Variants in NOXA1 observed in about 807,000 individuals in gnomAD.
NOXA1 encodes NCF2-like protein.
In NOXA1, 56 loss-of-function variants were observed where a neutral mutation model predicts 64.8. The observed-to-expected ratio is 0.86, with a 90% CI of 0.70 to 1.08. The LOEUF (loss-of-function observed/expected upper bound fraction) is 1.08, where lower values mean the gene tolerates loss of function less well. Among genes scored for constraint, NOXA1 ranks in the 50% least tolerant of loss-of-function variants. NOXA1 has a pLI of 0.00. For missense variants in NOXA1, 668 were observed against 658.5 expected, an observed-to-expected ratio of 1.01 and a Z score of -0.16; for synonymous variants, 295 against 294.8, an observed-to-expected ratio of 1.00 and a Z score of -0.01.
rs927550760 is a variant in NOXA1 at position 137,434,042 on chromosome 9, C to T, written c.1257C>T (p.Gly419=). The T allele has an allele frequency of 3.2e-6, 5 of 1,576,740 alleles. No homozygotes were observed. The highest frequency in any genetic ancestry group is 1.3e-5 in the African/African-American group (1 of 74,388). ...CCGCCCAGGGGCCAGAGGACCTGGG[C>T]TTCCGACAGGGGGACACGGTGGACG... The part of the protein sequence containing the change: ...SYSAQGPEDL[G]FRQGDTVDVL... The change falls in exon 13 of 14, where the codon GGC becomes GGT. Residue 419 remains glycine (G), a synonymous_variant. Transcript: ENST00000683555.
intron 3 of NOXA1, 57 bp downstream of exon 3, chr9:137,428,198 C>T: frequency 7.9e-7 from 1 of 1,267,494 alleles, no homozygotes. Context: ...CGGGCGGTGG[C>T]ACTGTCACAG....
intron 1 of NOXA1, among the ~76,000 whole-genome samples, chr9:137,424,742 A>G (rs1009979754): frequency 4.6e-5 from 7 of 152,206 alleles, no homozygotes. Flanking sequence ...CCGGCCCACA[A>G]TGATTTCATT....
chr9:137,428,963 A>C lies in NOXA1; in HGVS notation c.451A>C (p.Lys151Gln), dbSNP rs1243736297. 1 of 1,600,340 alleles carries C rather than the reference A, an allele frequency of 6.2e-7. No homozygotes were observed. The highest frequency in any genetic ancestry group is 1.1e-5 in the South Asian group (1 of 88,676). Residue 151 changes from lysine (K) to glutamine (Q), a missense_variant, in exon 4 of 14, where the codon AAG becomes CAG. By Grantham distance (53) the Lys-to-Gln change is moderately conservative. Transcript: ENST00000683555. ...CAGCAGCCTAAGGGAGGCCATGTCC[A>C]AGTGGCCGGAGGGGTCCCTGAATGG... ...AASSLREAMS[K>Q]WPEGSLNGLD... is the part of the protein sequence containing the mutation.
chr9:137,433,793 G>A lies in NOXA1; in HGVS notation c.1108G>A (p.Glu370Lys), dbSNP rs762082525. 46 of 1,454,260 alleles carry A rather than the reference G, an allele frequency of 3.2e-5. No individual in the cohort carries two copies. Among genetic ancestry groups the A allele is most frequent in the Admixed American group, 2.0e-4 (7 of 35,816 alleles). The allele number at this position is 1,454,260 out of a possible 1,614,324, so 90.1% of individuals were successfully genotyped here. A position where few individuals can be genotyped will look rare whatever the true frequency, so the allele number is the denominator to read the frequency against. ...GGACGGGCACTGGGTCCCCATCCCC[G>A]AGGAGGAGTCGCTGCAGAGGGCCTG... ...GEDGHWVPIP[E>K]EESLQRAWQD... The change falls in exon 12 of 14, where the codon GAG (glutamate) becomes AAG (lysine). Residue 370 changes from glutamate (E) to lysine (K), a missense_variant. Glu to Lys is a moderately conservative substitution (Grantham distance 56). Transcript: ENST00000683555.
In NOXA1 at chr9:137,433,049, T is replaced by C; in HGVS notation, c.825T>C (p.Val275=). ...TGCAGAGGCCCCAGGTGGAGCAAGT[T>C]GGCAAACAGGCTCCTCTCTCCCCAG... The part of the protein sequence containing the change: ...YQEQRPQVEQ[V]GKQAPLSPGL... The change falls in exon 9 of 14, where the codon GTT becomes GTC. Residue 275 remains valine (V), a synonymous_variant. Coordinates refer to ENST00000683555, the MANE Select transcript of NOXA1 (RefSeq NM_001256067.2). The C allele has an allele frequency of 6.2e-7, 1 of 1,612,746 alleles. No homozygotes were observed. Among genetic ancestry groups the C allele is most frequent in the East Asian group, 2.2e-5 (1 of 44,854 alleles).
At chr9:137,425,984 C>T (rs1437603141) in intron 1 of NOXA1, among the ~76,000 whole-genome samples, 2 of 152,144 alleles carry the variant, frequency 1.3e-5, no homozygotes, top group African/African-American at 2.4e-5. Flanking sequence ...TCCTTGTGCT[C>T]ATGGTAAACA....
chr9:137,427,758 G>A (rs1838900271), intron 2 of NOXA1, among the ~76,000 whole-genome samples: 1 of 152,262 alleles, frequency 6.6e-6, no homozygotes, highest in Non-Finnish European at 1.5e-5. Context: ...TCAGAAGAGA[G>A]GCTTGGGGGC....
intron 1 of NOXA1, 26 bp from the exon 2 acceptor site, chr9:137,426,222 C>T: frequency 6.2e-7 from 1 of 1,603,982 alleles, no homozygotes; most frequent in Non-Finnish European, 8.5e-7. Flanking sequence ...CAGACCTTGG[C>T]ATCCCGTGGG....
At chr9:137,425,530 C>T (rs1045357423) in intron 1 of NOXA1, among the ~76,000 whole-genome samples, 8 of 152,128 alleles carry the variant, frequency 5.3e-5, no homozygotes, top group Non-Finnish European at 8.8e-5. Context: ...GGACTACAGG[C>T]GCGTGCCGCC....
chr9:137,433,028 G>A lies in NOXA1; in HGVS notation c.805-1G>A. 6.2e-7 allele frequency: 1 copy of A among 1,612,638 alleles called. No homozygotes were observed. The highest frequency in any genetic ancestry group is 8.5e-7 in the Non-Finnish European group (1 of 1,179,862). Reference sequence around the variant, plus strand: ...CCACCCAGCCTGTGCTTCTCTTGCAGAGGCCCCAGGTGGAGCAAGTTGGCA... The same window carrying A: ...CCACCCAGCCTGTGCTTCTCTTGCAAAGGCCCCAGGTGGAGCAAGTTGGCA... On this transcript the variant is annotated splice_acceptor_variant, in intron 8 of 13. Coordinates refer to ENST00000683555, the MANE Select transcript of NOXA1 (RefSeq NM_001256067.2). LOFTEE classifies it high-confidence loss of function.
chr9:137,430,675 AC>A, intron 5 of NOXA1, 108 bp from the exon 6 acceptor site: 1 of 909,694 alleles, frequency 1.1e-6, no homozygotes, highest in Non-Finnish European at 1.6e-6. Flanking sequence ...GGCAGCTGTC[AC>A]CCAGCCCCCG....
At chr9:137,430,564 G>A (rs1456089957) in intron 5 of NOXA1, among the ~76,000 whole-genome samples, 1 of 152,236 alleles carries the variant, frequency 6.6e-6, no homozygotes. Context: ...AAACCAAAAT[G>A]TTTTTAAAGT....
rs755567577 is a variant in NOXA1, at chr9:137,431,058, T to G, written c.673-17T>G. 6.2e-7 allele frequency: 1 copy of G among 1,613,294 alleles called. No individual in the cohort carries two copies. The highest frequency in any genetic ancestry group is 1.3e-5 in the African/African-American group (1 of 75,056). ...CCGACCCTTAACCAGAGCGAGGTTG[T>G]TGCTTTGTGTCCACAGGGACCAGGA... On this transcript the variant is annotated splice_polypyrimidine_tract_variant and intron_variant, in intron 6 of 13. Transcript: ENST00000683555. The surrounding 1 kb of genome is among the most constrained non-coding windows in gnomAD (Gnocchi z 5.6).
chr9:137,432,278 TCAAA>T (rs1377703115), intron 8 of NOXA1, among the ~76,000 whole-genome samples: 1 of 110,302 alleles, frequency 9.1e-6, no homozygotes, highest in Non-Finnish European at 1.8e-5. Context: ...AGACCCTGTC[TCAAA>T]AAAAAAAAAA....
rs192319006 is a variant in NOXA1, at chr9:137,425,499, C to T, written c.178-749C>T. 3.9e-3 allele frequency among the ~76,000 whole-genome samples: 598 copies of T among 152,248 alleles called. 1 individual carries two copies. Among genetic ancestry groups the T allele is most frequent in the African/African-American group, 0.013 (553 of 41,548 alleles). On this transcript the variant is annotated intron_variant, in intron 1 of 13. Coordinates refer to ENST00000683555, the MANE Select transcript of NOXA1 (RefSeq NM_001256067.2). Reference sequence around the variant, plus strand: ...CTCCCGGGTTCAAGCGATTCTCCTGCCTCAACCTCCCGAGTAGCTGGGACT... The same window carrying T: ...CTCCCGGGTTCAAGCGATTCTCCTGTCTCAACCTCCCGAGTAGCTGGGACT...
chr9:137,428,087 C>A lies in NOXA1; in HGVS notation c.315C>A (p.His105Gln), dbSNP rs61748939. 1 of 1,587,382 alleles carries A rather than the reference C, an allele frequency of 6.3e-7. No homozygotes were observed. The highest frequency in any genetic ancestry group is 1.8e-5 in the Admixed American group (1 of 56,210). Residue 105 changes from histidine to glutamine, a missense_variant, in exon 3 of 14, where the codon CAC (histidine) becomes CAA (glutamine). Transcript: ENST00000683555. ...FWLALEQLRG[H>Q]AAIDYTQLGL... ...TGGCCCTGGAGCAGCTGAGGGGCCA[C>A]GCTGCCATCGACTACACGCAGCTGG...
At chr9:137,426,423 C>A in intron 2 of NOXA1, 93 bp downstream of exon 2, 1 of 1,057,488 alleles carries the variant, frequency 9.5e-7, no homozygotes, top group Non-Finnish European at 1.5e-6. Flanking sequence ...TCTCCATCCA[C>A]TCCCTCCTCT....
chr9:137,428,402 C>A (rs1028424541), intron 3 of NOXA1, among the ~76,000 whole-genome samples: 1 of 151,050 alleles, frequency 6.6e-6, no homozygotes, highest in African/African-American at 2.4e-5. Context: ...GGGCAGGGAG[C>A]AGGCAGGGGG....
chr9:137,431,066 T>G lies in NOXA1; in HGVS notation c.673-9T>G, dbSNP rs748585096. ...TAACCAGAGCGAGGTTGTTGCTTTG[T>G]GTCCACAGGGACCAGGAGCGAACCA... On this transcript the variant is annotated splice_polypyrimidine_tract_variant and intron_variant, in intron 6 of 13. Transcript: ENST00000683555. The surrounding 1 kb of genome is among the most constrained non-coding windows in gnomAD (Gnocchi z 5.6). The G allele has an allele frequency of 1.2e-6, 2 of 1,613,302 alleles. No individual in the cohort carries two copies. Among genetic ancestry groups the G allele is most frequent in the South Asian group, 2.2e-5 (2 of 91,092 alleles).
Sources: gnomAD v4.1 joint callset for allele counts (sites outside exome capture counted in the v4.1 genomes callset) on GRCh38, gnomAD v4.1.1 for gene constraint, Gnocchi (gnomAD v3.1) non-coding constraint, MANE v1.5 for transcripts, NCBI Gene and HGNC (gene_info 2026-07-23, HGNC 2026-07-21) for gene names.